SLC6A14: variants seen among roughly 807,000 people sequenced by gnomAD.
SLC6A14 encodes the protein solute carrier family 6 member 14, also known as sodium- and chloride-dependent neutral and basic amino acid transporter B(0+).
Under a neutral mutation model 51.4 loss-of-function variants are expected in SLC6A14, and 21 were observed. The observed-to-expected ratio is 0.41, with a 90% CI of 0.29 to 0.59. The LOEUF (loss-of-function observed/expected upper bound fraction) is 0.59, where lower values mean the gene tolerates loss of function less well. Among genes scored for constraint, SLC6A14 ranks in the 20% least tolerant of loss-of-function variants. SLC6A14 has a pLI of 0.31. For synonymous variants in SLC6A14, 177 were observed against 160.7 expected, an observed-to-expected ratio of 1.10 and a Z score of -0.77; for missense variants, 371 against 472.8, an observed-to-expected ratio of 0.78 and a Z score of 2.00.
intron 1 of SLC6A14, 133 bp downstream of exon 1, chrX:116,436,890 C>A: frequency 1.9e-6 from 1 of 525,710 alleles, no homozygotes; most frequent in Non-Finnish European, 3.1e-6. Flanking sequence ...TTAGGTGTGA[C>A]TGAGATATAC....
chrX:116,453,058 C>G lies in SLC6A14; in HGVS notation c.1201C>G (p.Gln401Glu). 5 of 1,197,958 alleles carry G rather than the reference C, an allele frequency of 4.2e-6. No individual in the cohort carries two copies. Among genetic ancestry groups the G allele is most frequent in the Non-Finnish European group, 5.6e-6 (5 of 886,275 alleles). ...AFIAYPEALA[Q>E]LPGGPFWSIL... Reference sequence around the variant, plus strand: ...CATTGCCTATCCAGAGGCTCTAGCCCAACTCCCAGGTGGTCCATTTTGGTC... The same window carrying G: ...CATTGCCTATCCAGAGGCTCTAGCCGAACTCCCAGGTGGTCCATTTTGGTC... The change falls in exon 9 of 14, where the codon CAA (glutamine) becomes GAA (glutamate). Residue 401 changes from glutamine to glutamate, a missense_variant. Coordinates refer to ENST00000598581, the MANE Select transcript of SLC6A14 (RefSeq NM_007231.5).
chrX:116,441,996 AT>A (rs781932756), intron 3 of SLC6A14, among the ~76,000 whole-genome samples: 3 of 111,298 alleles, frequency 2.7e-5, no homozygotes, highest in Non-Finnish European at 3.8e-5. Flanking sequence ...CAAGCTTTGA[AT>A]TTTTTTTGTC....
intron 7 of SLC6A14, among the ~76,000 whole-genome samples, chrX:116,448,097 C>A (rs1339248553): frequency 1.8e-5 from 2 of 112,041 alleles, no homozygotes; most frequent in Non-Finnish European, 3.8e-5. Flanking sequence ...TTGCTGTCTT[C>A]TTTTCTAAAT....
intron 2 of SLC6A14, among the ~76,000 whole-genome samples, chrX:116,440,354 C>A (rs1484096497): frequency 1.8e-5 from 2 of 112,141 alleles, no homozygotes; most frequent in African/African-American, 6.5e-5. Flanking sequence ...GAGTGAAGAA[C>A]CTTGTGACTC....
rs1556695039 is a variant in SLC6A14 at position 116,459,858 on chromosome X, C to G, written c.*903C>G. On this transcript the variant is annotated 3_prime_UTR_variant, in exon 14 of 14. Transcript: ENST00000598581. Reference sequence around the variant, plus strand: ...AGCATTTTATTACTGTAATACAGGGCTGATAGAGTGATTTTGTCTTATATG... The same window carrying G: ...AGCATTTTATTACTGTAATACAGGGGTGATAGAGTGATTTTGTCTTATATG... 9.0e-6 allele frequency: 1 copy of G among 111,604 alleles called. No homozygotes were observed. The highest frequency in any genetic ancestry group is 9.6e-5 in the Admixed American group (1 of 10,465). The allele number at this position is 111,604 out of a possible 1,213,427, so 9.2% of individuals were successfully genotyped here.
At chrX:116,446,632 C>T in intron 6 of SLC6A14, 109 bp from the exon 7 acceptor site, 1 of 579,615 alleles carries the variant, frequency 1.7e-6, no homozygotes, top group East Asian at 3.4e-5. Context: ...TATGAAATCC[C>T]CTGTACTTTA....
intron 11 of SLC6A14, 107 bp downstream of exon 11, chrX:116,455,183 A>C (rs1556694699): frequency 1.1e-5 from 7 of 612,080 alleles, no homozygotes; most frequent in Non-Finnish European, 1.8e-5. Flanking sequence ...TACTATTATA[A>C]TAGCAAAGTA....
intron 11 of SLC6A14, 55 bp from the exon 12 acceptor site, chrX:116,455,302 T>A: frequency 1.0e-6 from 1 of 962,562 alleles, no homozygotes; most frequent in East Asian, 3.1e-5. Flanking sequence ...GATGCCATAA[T>A]GGTTACTGGA....
At chrX:116,444,837 G>T (rs1556693895) in intron 5 of SLC6A14, 81 bp from the exon 6 acceptor site, 1 of 1,019,665 alleles carries the variant, frequency 9.8e-7, no homozygotes, top group South Asian at 1.9e-5. Context: ...GCTTCGACCT[G>T]GATAAATGGT....
At position 116,446,767 on chromosome X, in the gene SLC6A14, C is replaced by T. The variant is rs1372112714; in HGVS notation, c.816C>T (p.Pro272=). 19 of 1,200,124 alleles carry T rather than the reference C, an allele frequency of 1.6e-5. No homozygotes were observed. The highest frequency in any genetic ancestry group is 6.6e-5 in the Admixed American group (3 of 45,503). The part of the protein sequence containing the change: ...GKVVYFTALF[P]YVVLLILLVR... ...TGGTATATTTTACAGCTCTTTTCCC[C>T]TATGTGGTCCTACTCATCCTGTTAG... The change falls in exon 7 of 14, where the codon CCC becomes CCT. Residue 272 remains proline (P), a synonymous_variant. Transcript: ENST00000598581.
intron 7 of SLC6A14, among the ~76,000 whole-genome samples, chrX:116,450,977 A>G: frequency 8.9e-6 from 1 of 112,095 alleles, no homozygotes; most frequent in Middle Eastern, 4.6e-3. Flanking sequence ...AGTGGAAAAG[A>G]ATGATTAAAA....
chrX:116,460,484 C>A lies in SLC6A14; in HGVS notation c.*1529C>A, dbSNP rs1389069772. 4 of 109,283 alleles carry A rather than the reference C, an allele frequency of 3.7e-5. No individual in the cohort carries two copies. Among genetic ancestry groups the A allele is most frequent in the Non-Finnish European group, 7.6e-5 (4 of 52,560 alleles). 9.0% of individuals were successfully genotyped at this position (109,283 alleles called of 1,213,427 possible). A position where few individuals can be genotyped will look rare whatever the true frequency, so the allele number is the denominator to read the frequency against. ...TAAATAGGTAGGCCTCTAATTGAACCACCTCTCTAAGTTATGTACGTATAT... is the reference window on the plus strand; with the variant it reads ...TAAATAGGTAGGCCTCTAATTGAACAACCTCTCTAAGTTATGTACGTATAT... On this transcript the variant is annotated 3_prime_UTR_variant, in exon 14 of 14. Transcript: ENST00000598581.
rs782565742 is a variant in SLC6A14, at chrX:116,456,206, G to A, written c.1614+740G>A. ...GGTGGTGGGGTGAGGCAGTGTCAAA[G>A]CTTCATAGATTTATTTTGGTTTTCA... On this transcript the variant is annotated intron_variant, in intron 12 of 13. Transcript: ENST00000598581. 9.9e-5 allele frequency among the ~76,000 whole-genome samples: 11 copies of A among 110,699 alleles called. 1 individual carries two copies. In the South Asian group the frequency reaches 3.8e-3, roughly 38 times the overall value.
intron 3 of SLC6A14, among the ~76,000 whole-genome samples, chrX:116,441,960 G>A (rs1927606523): frequency 8.9e-6 from 1 of 111,906 alleles, no homozygotes; most frequent in Non-Finnish European, 1.9e-5. Context: ...GATGAATATT[G>A]TATTGGTCAG....
At chrX:116,443,048 T>C (rs1927630996) in intron 4 of SLC6A14, among the ~76,000 whole-genome samples, 200 bp downstream of exon 4, 1 of 110,839 alleles carries the variant, frequency 9.0e-6, no homozygotes, top group Non-Finnish European at 1.9e-5. Flanking sequence ...GGCTAAATCA[T>C]GCCTAAGAGT....
chrX:116,456,137 T>C (rs1927929987), intron 12 of SLC6A14, among the ~76,000 whole-genome samples: 1 of 111,006 alleles, frequency 9.0e-6, no homozygotes, highest in South Asian at 3.7e-4. Flanking sequence ...AGCACCAAAA[T>C]AAACACTACA....
chrX:116,450,399 G>A (rs1361283701), intron 7 of SLC6A14, among the ~76,000 whole-genome samples: 4 of 111,342 alleles, frequency 3.6e-5, no homozygotes, highest in African/African-American at 1.3e-4. Flanking sequence ...GCAAGTAGGC[G>A]GAGGAATGGG....
At chrX:116,452,816 T>C (rs1263617648) in intron 8 of SLC6A14, among the ~76,000 whole-genome samples, 3 of 112,036 alleles carry the variant, frequency 2.7e-5, no homozygotes, top group South Asian at 3.6e-4. Flanking sequence ...ACTTAATTCA[T>C]GTCACATGTT....
chrX:116,449,875 T>C (rs1159080306), intron 7 of SLC6A14, among the ~76,000 whole-genome samples: 2 of 112,008 alleles, frequency 1.8e-5, no homozygotes, highest in Non-Finnish European at 3.8e-5. Flanking sequence ...GATATCTAAT[T>C]GATTTAATTG....
Sources: allele counts gnomAD v4.1 joint callset (sites outside exome capture counted in the v4.1 genomes callset), GRCh38; gene constraint gnomAD v4.1.1; transcripts MANE v1.5; gene names NCBI Gene and HGNC (gene_info 2026-07-23, HGNC 2026-07-21).